The following CAMK1D variants were observed in gnomAD, a reference collection of about 807,000 sequenced individuals.
CAMK1D encodes the protein calcium/calmodulin-dependent protein kinase type 1D.
CAMK1D carries 9 observed loss-of-function variants against 47.7 expected under a neutral mutation model. The observed-to-expected ratio is 0.19, with a 90% CI of 0.11 to 0.33. The LOEUF (loss-of-function observed/expected upper bound fraction) is 0.33, where lower values mean the gene tolerates loss of function less well. Among genes scored for constraint, CAMK1D ranks in the 10% least tolerant of loss-of-function variants. The pLI, the probability that CAMK1D is intolerant of heterozygous loss-of-function variation, is 1.00. For synonymous variants in CAMK1D, 184 were observed against 184.9 expected, an observed-to-expected ratio of 0.99 and a Z score of 0.04; for missense variants, 291 against 488.7, an observed-to-expected ratio of 0.60 and a Z score of 3.81.
chr10:12,620,388 A>T (rs1838963502), intron 2 of CAMK1D, among the ~76,000 whole-genome samples: 1 of 152,194 alleles, frequency 6.6e-6, no homozygotes, highest in Non-Finnish European at 1.5e-5. Context: ...TCCCACCAGT[A>T]ATGTGTGAGT....
rs1833283824 is a variant in CAMK1D, at chr10:12,827,476, T to TTG, written c.1040-1292_1040-1291insGT. 2.2e-3 allele frequency among the ~76,000 whole-genome samples: 11 copies of TTG among 5,068 alleles called. 2 individuals are homozygous for TTG. The highest frequency in any genetic ancestry group is 6.4e-3 in the African/African-American group (8 of 1,244). The allele number at this position is 5,068 out of a possible 152,430, so 3.3% of individuals were successfully genotyped here. On this transcript the variant is annotated intron_variant, in intron 10 of 10. Coordinates refer to ENST00000619168, the MANE Select transcript of CAMK1D (RefSeq NM_153498.4). ...CTTTTCTTTCTTTGTCTGTCTGTCT[T>TTG]TCTTTCTTTCTTTCTTTCTTTCTTT...
intron 1 of CAMK1D, 131 bp from the exon 2 acceptor site, chr10:12,553,094 T>G: frequency 6.6e-7 from 1 of 1,521,336 alleles, no homozygotes; most frequent in Non-Finnish European, 8.8e-7. Context: ...CCACGGTGGA[T>G]AAAAGTAACA....
intron 3 of CAMK1D, among the ~76,000 whole-genome samples, chr10:12,740,167 C>T (rs554916056): frequency 6.6e-6 from 1 of 152,324 alleles, no homozygotes. Flanking sequence ...GTTTATGCAG[C>T]CCTCCCTGAC....
At chr10:12,494,538 C>G (rs1044082547) in intron 1 of CAMK1D, among the ~76,000 whole-genome samples, 1 of 152,106 alleles carries the variant, frequency 6.6e-6, no homozygotes, top group African/African-American at 2.4e-5. Flanking sequence ...GTGTCCATTT[C>G]CTATTTGCTT....
intron 2 of CAMK1D, chr10:12,578,824 G>A (rs1173202492): frequency 6.5e-6 from 1 of 154,208 alleles, no homozygotes; most frequent in African/African-American, 2.4e-5. Context: ...TTACCTCTGT[G>A]ATGATTTGCA....
chr10:12,388,229 G>A (rs1246868664), intron 1 of CAMK1D, among the ~76,000 whole-genome samples: 1 of 152,180 alleles, frequency 6.6e-6, no homozygotes, highest in Non-Finnish European at 1.5e-5. Flanking sequence ...GTTTTGTCAT[G>A]TTGGCCAGGC....
intron 2 of CAMK1D, among the ~76,000 whole-genome samples, chr10:12,606,592 C>T (rs1024374071): frequency 1.3e-5 from 2 of 152,122 alleles, no homozygotes; most frequent in Non-Finnish European, 1.5e-5. Context: ...TCCCTTTGCC[C>T]CATGCCTAGA....
intron 1 of CAMK1D, among the ~76,000 whole-genome samples, chr10:12,480,377 GT>G (rs1346942607): frequency 6.7e-6 from 1 of 150,304 alleles, no homozygotes; most frequent in African/African-American, 2.5e-5. Flanking sequence ...GGAGGTTGCA[GT>G]GAGCCGAGAT....
chr10:12,619,520 T>G (rs1327210254), intron 2 of CAMK1D, among the ~76,000 whole-genome samples: 1 of 152,178 alleles, frequency 6.6e-6, no homozygotes, highest in African/African-American at 2.4e-5. Context: ...ATTGCTGGCC[T>G]CAAGTGATCC....
chr10:12,791,034 T>G, intron 5 of CAMK1D, 124 bp from the exon 6 acceptor site: 1 of 764,408 alleles, frequency 1.3e-6, no homozygotes, highest in Non-Finnish European at 2.2e-6. Context: ...ATAAAATGGG[T>G]TATGTCTCTC....
At chr10:12,806,026 A>G (rs564868469) in intron 6 of CAMK1D, among the ~76,000 whole-genome samples, 1 of 152,194 alleles carries the variant, frequency 6.6e-6, no homozygotes, top group Non-Finnish European at 1.5e-5. Context: ...ATCAAGAAAG[A>G]CATCACTGAG....
At chr10:12,677,281 G>A (rs962007914) in intron 3 of CAMK1D, among the ~76,000 whole-genome samples, 7 of 152,120 alleles carry the variant, frequency 4.6e-5, no homozygotes, top group Non-Finnish European at 1.0e-4. Context: ...TCTGTAAGTA[G>A]CCAAGCATAA....
chr10:12,741,384 C>T (rs1371393127), intron 3 of CAMK1D, among the ~76,000 whole-genome samples: 1 of 152,230 alleles, frequency 6.6e-6, no homozygotes, highest in Non-Finnish European at 1.5e-5. Flanking sequence ...CCTTACAGGA[C>T]AGCCAGAAAG....
At chr10:12,524,207 C>T (rs761719746) in intron 1 of CAMK1D, among the ~76,000 whole-genome samples, 17 of 151,028 alleles carry the variant, frequency 1.1e-4, no homozygotes, top group East Asian at 3.9e-4. Context: ...GATCGTAATC[C>T]GCCCATCTCA....
chr10:12,366,458 G>A (rs111409861), intron 1 of CAMK1D, among the ~76,000 whole-genome samples: 1 of 151,584 alleles, frequency 6.6e-6, no homozygotes, highest in South Asian at 2.1e-4. Flanking sequence ...AGTTTGAGAC[G>A]AGCCTGGCCA....
At chr10:12,636,007 C>T (rs1410088576) in intron 2 of CAMK1D, among the ~76,000 whole-genome samples, 1 of 152,214 alleles carries the variant, frequency 6.6e-6, no homozygotes, top group Non-Finnish European at 1.5e-5. Flanking sequence ...TAAACACTTT[C>T]CAAACAGTCC....
chr10:12,643,406 A>G (rs77672646), intron 2 of CAMK1D, among the ~76,000 whole-genome samples: 8 of 152,304 alleles, frequency 5.3e-5, no homozygotes, highest in Admixed American at 2.0e-4. Context: ...AGGGCTGCAC[A>G]GCAGGAGACG....
At chr10:12,475,622 C>A (rs1833879360) in intron 1 of CAMK1D, among the ~76,000 whole-genome samples, 1 of 152,296 alleles carries the variant, frequency 6.6e-6, no homozygotes, top group African/African-American at 2.4e-5. Flanking sequence ...ACCCTTCCTG[C>A]AGTTCCTTTA....
chr10:12,743,050 A>G lies in CAMK1D; in HGVS notation c.300-17898A>G, dbSNP rs1001779663. ...TAAAGACAAAGAAGATTGAACAAGA[A>G]ACCAAGACAAGGCTGGGTGCCGTGG... On this transcript the variant is annotated intron_variant, in intron 3 of 10. Coordinates refer to ENST00000619168, the MANE Select transcript of CAMK1D (RefSeq NM_153498.4). 3.3e-5 allele frequency among the ~76,000 whole-genome samples: 5 copies of G among 152,310 alleles called. No individual in the cohort carries two copies. In the East Asian group the frequency reaches 9.6e-4, roughly 29 times the overall value.
Sources: allele counts gnomAD v4.1 joint callset (sites outside exome capture counted in the v4.1 genomes callset), GRCh38; gene constraint gnomAD v4.1.1; transcripts MANE v1.5; gene names NCBI Gene and HGNC (gene_info 2026-07-23, HGNC 2026-07-21).